Variants in BEST3 observed in about 807,000 individuals in gnomAD.
BEST3 encodes bestrophin-3.
Under a neutral mutation model 47.1 loss-of-function variants are expected in BEST3, and 50 were observed. The ratio of observed to expected loss-of-function variants is 1.06; its 90% confidence interval spans 0.85 to 1.34. The LOEUF is 1.34. BEST3 is among the 40% of genes most tolerant of loss of function. The pLI is 0.00. For missense variants in BEST3, 765 were observed against 817.0 expected, an observed-to-expected ratio of 0.94 and a Z score of 0.78; for synonymous variants, 282 against 298.8, an observed-to-expected ratio of 0.94 and a Z score of 0.58.
chr12:69,679,156 A>C (rs1246065855), intron 4 of BEST3, among the ~76,000 whole-genome samples: 1 of 152,218 alleles, frequency 6.6e-6, no homozygotes, highest in Non-Finnish European at 1.5e-5. Context: ...GGAGGTAAGG[A>C]GACATTAAAT....
intron 9 of BEST3, among the ~76,000 whole-genome samples, chr12:69,657,077 A>G (rs937509975): frequency 1.3e-5 from 2 of 151,988 alleles, no homozygotes; most frequent in Admixed American, 1.3e-4. Flanking sequence ...AAATAAAACA[A>G]ATAATTCTAC....
chr12:69,667,357 C>T (rs977630509), intron 9 of BEST3, among the ~76,000 whole-genome samples: 12 of 152,036 alleles, frequency 7.9e-5, no homozygotes, highest in African/African-American at 2.7e-4. Flanking sequence ...TATAACGGTG[C>T]GATCTCGGTT....
At chr12:69,677,333 G>T in intron 5 of BEST3, 76 bp from the exon 6 acceptor site, 1 of 1,286,934 alleles carries the variant, frequency 7.8e-7, no homozygotes, top group Non-Finnish European at 1.1e-6. Context: ...GACTCAGAAT[G>T]TGAGCATGTC....
intron 8 of BEST3, among the ~76,000 whole-genome samples, chr12:69,672,562 G>C (rs1884644580): frequency 6.6e-6 from 1 of 152,192 alleles, no homozygotes; most frequent in Non-Finnish European, 1.5e-5. Context: ...AACCTCTCTG[G>C]TTGGCAACAG....
rs746798201 is a variant in BEST3, at chr12:69,671,499, A to G, written c.1029T>C (p.Ala343=). Residue 343 remains alanine (A), a synonymous_variant, in exon 9 of 10, where the codon GCT becomes GCC. Transcript: ENST00000330891. The part of the protein sequence containing the change: ...KKDIYWDDSA[A]RPPYTLAAAD... ...CAGCTGCCAATGTGTATGGTGGGCG[A>G]GCAGCAGAATCGTCCCAGTAAATGT... 1.5e-5 allele frequency: 24 copies of G among 1,613,988 alleles called. No homozygotes were observed. The highest frequency in any genetic ancestry group is 1.9e-5 in the Non-Finnish European group (23 of 1,179,938).
chr12:69,663,970 A>G (rs1884026378), intron 9 of BEST3, among the ~76,000 whole-genome samples: 1 of 152,230 alleles, frequency 6.6e-6, no homozygotes, highest in Non-Finnish European at 1.5e-5. Flanking sequence ...TCACACAAGA[A>G]ATACTTTTTC....
rs370248128 is a variant in BEST3, at chr12:69,693,687, G to A, written c.468C>T (p.His156=). 5 of 1,609,892 alleles carry A rather than the reference G, an allele frequency of 3.1e-6. No homozygotes were observed. The highest frequency in any genetic ancestry group is 4.3e-6 in the Non-Finnish European group (5 of 1,176,430). The change falls in exon 4 of 10, where the codon CAC becomes CAT. Residue 156 remains histidine (H), a synonymous_variant. Transcript: ENST00000330891. ...CATTCATAGTACCTGCTTCAACCAC[G>A]TGGTCCATTGTGGGAAATCTTTTGT... ...AVYKRFPTMD[H]VVEAGFMTTD...
At chr12:69,675,318 C>T (rs117805570) in intron 7 of BEST3, among the ~76,000 whole-genome samples, 12,314 of 151,506 alleles carry the variant, frequency 0.081, 721 homozygotes, top group East Asian at 0.23. Context: ...GATGGGGTTT[C>T]GCCATATTGC....
chr12:69,645,190 G>C (rs1882992767), intron 9 of BEST3, among the ~76,000 whole-genome samples: 1 of 152,180 alleles, frequency 6.6e-6, no homozygotes, highest in African/African-American at 2.4e-5. Flanking sequence ...TTCAGTATTG[G>C]TTTATTATAA....
intron 4 of BEST3, chr12:69,684,114 C>G (rs1213027321): frequency 2.6e-5 from 4 of 155,972 alleles, no homozygotes; most frequent in Non-Finnish European, 5.6e-5. Flanking sequence ...GTGTCTGTCT[C>G]CATGCCATGC....
downstream of BEST3, among the ~76,000 whole-genome samples, chr12:69,649,100 T>C (rs531726837): frequency 6.6e-6 from 1 of 152,336 alleles, no homozygotes; most frequent in South Asian, 2.1e-4. Flanking sequence ...GTTCAAGTGA[T>C]TCCCGTGCCT....
chr12:69,655,285 C>T lies in BEST3; in HGVS notation c.1629G>A (p.Gln543=). 5 of 1,614,172 alleles carry T rather than the reference C, an allele frequency of 3.1e-6. No homozygotes were observed. The highest frequency in any genetic ancestry group is 4.2e-6 in the Non-Finnish European group (5 of 1,180,038). ...GAGACAGGATGGATCCCATGGGGCCCTGCTGCTGCTCAGTCTTGCTTGGCT... is the reference window on the plus strand; with the variant it reads ...GAGACAGGATGGATCCCATGGGGCCTTGCTGCTGCTCAGTCTTGCTTGGCT... The part of the protein sequence containing the change: ...GVQPSKTEQQ[Q]GPMGSILSPS... Residue 543 remains glutamine (Q), a synonymous_variant, in exon 10 of 10, where the codon CAG becomes CAA. Coordinates refer to ENST00000330891, the MANE Select transcript of BEST3 (RefSeq NM_032735.3).
intron 4 of BEST3, among the ~76,000 whole-genome samples, chr12:69,681,394 A>ATT (rs1252149573): frequency 1.3e-5 from 2 of 152,052 alleles, no homozygotes; most frequent in African/African-American, 4.8e-5. Context: ...AGGCAGGAGG[A>ATT]TTACTTAGGC....
intron 9 of BEST3, among the ~76,000 whole-genome samples, chr12:69,644,659 A>T (rs1327791599): frequency 6.6e-6 from 1 of 152,152 alleles, no homozygotes; most frequent in African/African-American, 2.4e-5. Context: ...TGGCTAGCTT[A>T]TTTGATAGGA....
At position 69,655,469 on chromosome 12, in the gene BEST3, T is replaced by C. The variant is rs377113547; in HGVS notation, c.1445A>G (p.Gln482Arg). ...CACACTGGACTGTGGGGTCAGGCTCTGTAAAGTGCTTGTCTGGCTGGTCTC... is the reference window on the plus strand; with the variant it reads ...CACACTGGACTGTGGGGTCAGGCTCCGTAAAGTGCTTGTCTGGCTGGTCTC... ...IRETSQTSTLQSLTPQSSVRT... is the reference protein window; with the variant it reads ...IRETSQTSTLRSLTPQSSVRT... Residue 482 changes from glutamine to arginine, a missense_variant, in exon 10 of 10, where the codon CAG (glutamine) becomes CGG (arginine). Transcript: ENST00000330891. 79 of 1,614,024 alleles carry C rather than the reference T, an allele frequency of 4.9e-5. No individual in the cohort carries two copies. The African/African-American group carries it at 9.2e-4, about 19-fold the overall frequency.
At chr12:69,698,432 G>A (rs1886213610) in intron 1 of BEST3, among the ~76,000 whole-genome samples, 1 of 152,150 alleles carries the variant, frequency 6.6e-6, no homozygotes, top group Non-Finnish European at 1.5e-5. Context: ...CTTGTTTTTG[G>A]TGAGTTCTTT....
intron 3 of BEST3, 166 bp downstream of exon 3, chr12:69,694,204 G>A (rs564283087): frequency 2.1e-5 from 12 of 582,798 alleles, no homozygotes; most frequent in Non-Finnish European, 3.0e-5. Context: ...TGTTAATTTC[G>A]CAAAAGCAGC....
At position 69,655,751 on chromosome 12, in the gene BEST3, C is replaced by T. The variant is rs368951490; in HGVS notation, c.1163G>A (p.Arg388Gln). ...WLWDYEKHGH[R>Q]HSMIRRVKRF... ...CTTGACTCTTCTTATCATGGAATGC[C>T]GATGGCCATGCTTCTCATAATCCCA... Residue 388 changes from arginine (R) to glutamine (Q), a missense_variant, in exon 10 of 10, where the codon CGG (arginine) becomes CAG (glutamine). Coordinates refer to ENST00000330891, the MANE Select transcript of BEST3 (RefSeq NM_032735.3). The T allele has an allele frequency of 5.5e-5, 89 of 1,613,652 alleles. 1 individual carries two copies. Among genetic ancestry groups the T allele is most frequent in the Non-Finnish European group, 6.6e-5 (78 of 1,179,884 alleles).
At chr12:69,645,606 T>A (rs1376160547) in intron 9 of BEST3, among the ~76,000 whole-genome samples, 2 of 152,228 alleles carry the variant, frequency 1.3e-5, no homozygotes, top group East Asian at 3.8e-4. Flanking sequence ...AATAGCAGAA[T>A]CAGCAATGAG....
Sources: allele counts gnomAD v4.1 joint callset (sites outside exome capture counted in the v4.1 genomes callset), GRCh38; gene constraint gnomAD v4.1.1; transcripts MANE v1.5; gene names NCBI Gene and HGNC (gene_info 2026-07-23, HGNC 2026-07-21).